Variants in FNIP2 observed in about 807,000 individuals in gnomAD.
FNIP2 encodes folliculin interacting protein 2, also known as folliculin-interacting protein 2.
In FNIP2, 32 loss-of-function variants were observed where a neutral mutation model predicts 108.7. The observed-to-expected ratio is 0.29, with a 90% CI of 0.22 to 0.40. FNIP2 has a LOEUF of 0.40. Among genes scored for constraint, FNIP2 ranks in the 10% least tolerant of loss-of-function variants. FNIP2 has a pLI of 1.00. For synonymous variants in FNIP2, 480 were observed against 496.7 expected, an observed-to-expected ratio of 0.97 and a Z score of 0.45; for missense variants, 1,202 against 1,381.6, an observed-to-expected ratio of 0.87 and a Z score of 2.06.
chr4:158,857,289 T>C (rs1458690055), intron 8 of FNIP2, among the ~76,000 whole-genome samples: 1 of 152,236 alleles, frequency 6.6e-6, no homozygotes, highest in Non-Finnish European at 1.5e-5. Flanking sequence ...TATTGTAATA[T>C]AAACTCAGAA....
intron 1 of FNIP2, among the ~76,000 whole-genome samples, chr4:158,821,221 T>C (rs1439678839): frequency 2.6e-5 from 4 of 152,236 alleles, no homozygotes; most frequent in African/African-American, 9.6e-5. Flanking sequence ...GGTAGACAAA[T>C]CATCTTCTCT....
intron 1 of FNIP2, among the ~76,000 whole-genome samples, chr4:158,803,484 T>C (rs992048939): frequency 6.6e-6 from 1 of 152,252 alleles, no homozygotes; most frequent in East Asian, 1.9e-4. Context: ...TGAGTTGCTC[T>C]AATGTCTCAG....
At chr4:158,848,329 A>G (rs961120738) in intron 7 of FNIP2, among the ~76,000 whole-genome samples, 7 of 152,258 alleles carry the variant, frequency 4.6e-5, no homozygotes, top group Non-Finnish European at 8.8e-5. Flanking sequence ...AAGTAAAGGA[A>G]GAGAACAAGA....
chr4:158,896,841 GT>G (rs57097896), intron 16 of FNIP2, among the ~76,000 whole-genome samples: 12 of 144,928 alleles, frequency 8.3e-5, no homozygotes, highest in South Asian at 6.7e-4. Flanking sequence ...TGCCTTATTA[GT>G]TTTTTTTTTA....
chr4:158,898,250 A>G (rs529867874), intron 16 of FNIP2, among the ~76,000 whole-genome samples: 31 of 152,192 alleles, frequency 2.0e-4, no homozygotes, highest in Middle Eastern at 3.4e-3. Flanking sequence ...GCCTTGTTGT[A>G]TAGTTTGAAG....
intron 7 of FNIP2, among the ~76,000 whole-genome samples, chr4:158,838,333 AC>A (rs1778926415): frequency 7.4e-6 from 1 of 134,394 alleles, no homozygotes; most frequent in African/African-American, 2.8e-5. Context: ...CCATCCTCCC[AC>A]CTCAGCCTCA....
intron 1 of FNIP2, among the ~76,000 whole-genome samples, chr4:158,811,311 C>T (rs1306680231): frequency 6.6e-6 from 1 of 152,158 alleles, no homozygotes; most frequent in Non-Finnish European, 1.5e-5. Flanking sequence ...CATATCCTTT[C>T]ACTTTCATGC....
At chr4:158,883,592 C>T (rs201542882) in intron 14 of FNIP2, among the ~76,000 whole-genome samples, 13 of 152,298 alleles carry the variant, frequency 8.5e-5, no homozygotes, top group Middle Eastern at 3.4e-3. Flanking sequence ...GATAGTTAAA[C>T]CCACACTGTT....
At position 158,859,676 on chromosome 4, in the gene FNIP2, C is replaced by G; in HGVS notation, c.1148+10C>G. 6.2e-7 allele frequency: 1 copy of G among 1,606,260 alleles called. No homozygotes were observed. Among genetic ancestry groups the G allele is most frequent in the Non-Finnish European group, 8.5e-7 (1 of 1,174,408 alleles). ...CTCTGGGAGAATTCAGGTAAAGTGG[C>G]AAAGTTTGGCAAATCCAACAGGAGA... On this transcript the variant is annotated intron_variant, in intron 10 of 16. Coordinates refer to ENST00000264433, the MANE Select transcript of FNIP2 (RefSeq NM_020840.3).
At chr4:158,833,836 G>T in intron 6 of FNIP2, 1 of 1,502,554 alleles carries the variant, frequency 6.7e-7, no homozygotes, top group Non-Finnish European at 8.9e-7. Flanking sequence ...ACTGCTGCAG[G>T]GGGTAGCTGA....
intron 1 of FNIP2, among the ~76,000 whole-genome samples, chr4:158,779,174 T>TA (rs1775953952): frequency 6.6e-6 from 1 of 152,332 alleles, no homozygotes; most frequent in Non-Finnish European, 1.5e-5. Flanking sequence ...AAAATGCTCA[T>TA]ACTTTTTTGA....
chr4:158,831,542 A>G (rs1217014137), intron 3 of FNIP2, among the ~76,000 whole-genome samples: 1 of 152,176 alleles, frequency 6.6e-6, no homozygotes, highest in Admixed American at 6.5e-5. Context: ...TCATAATTTA[A>G]TCTTTGTATT....
At chr4:158,792,939 A>T (rs567453550) in intron 1 of FNIP2, among the ~76,000 whole-genome samples, 9 of 152,366 alleles carry the variant, frequency 5.9e-5, no homozygotes, top group Admixed American at 2.6e-4. Flanking sequence ...AGGTGAAGTC[A>T]GGATGGGTTT....
rs772428494 is a variant in FNIP2, at chr4:158,868,141, C to A, written c.1505C>A (p.Thr502Asn). 1 of 1,614,046 alleles carries A rather than the reference C, an allele frequency of 6.2e-7. No homozygotes were observed. Among genetic ancestry groups the A allele is most frequent in the Non-Finnish European group, 8.5e-7 (1 of 1,179,900 alleles). ...YGAIGSPVRL[T>N]RTVVVGKQKD... is the part of the protein sequence containing the mutation. ...GCCATAGGCTCTCCAGTGAGACTGA[C>A]TCGCACCGTAGTGGTAGGGAAGCAG... Residue 502 changes from threonine to asparagine, a missense_variant, in exon 13 of 17, where the codon ACT (threonine) becomes AAT (asparagine). Thr to Asn is a moderately conservative substitution (Grantham distance 65). Transcript: ENST00000264433. The surrounding 1 kb of genome is among the most constrained non-coding windows in gnomAD (Gnocchi z 4.6).
In FNIP2 at chr4:158,806,330, G is replaced by A. The variant is rs780731594; in HGVS notation, c.108-19586G>A. On this transcript the variant is annotated intron_variant, in intron 1 of 16. Coordinates refer to ENST00000264433, the MANE Select transcript of FNIP2 (RefSeq NM_020840.3). Reference sequence around the variant, plus strand: ...AGATGTGTGAGTGATGCTGTTCCTGGTGCTGGGAGGATTTACAGGGCGCTT... The same window carrying A: ...AGATGTGTGAGTGATGCTGTTCCTGATGCTGGGAGGATTTACAGGGCGCTT... The A allele has an allele frequency of 3.9e-6, 5 of 1,289,402 alleles. No individual in the cohort carries two copies. The South Asian group carries it at 6.2e-5, about 16-fold the overall frequency. 79.9% of individuals were successfully genotyped at this position (1,289,402 alleles called of 1,614,324 possible).
At chr4:158,879,082 T>C (rs1781443339) in intron 14 of FNIP2, among the ~76,000 whole-genome samples, 1 of 150,238 alleles carries the variant, frequency 6.7e-6, no homozygotes, top group Admixed American at 6.6e-5. Flanking sequence ...AGAGACTTTA[T>C]AGCATATGCA....
At chr4:158,786,546 G>A (rs1265794833) in intron 1 of FNIP2, among the ~76,000 whole-genome samples, 1 of 152,144 alleles carries the variant, frequency 6.6e-6, no homozygotes, top group African/African-American at 2.4e-5. Context: ...CCTTCCGTTT[G>A]CATTTTTGTG....
At chr4:158,830,235 T>C (rs554290541) in intron 3 of FNIP2, among the ~76,000 whole-genome samples, 246 of 149,470 alleles carry the variant, frequency 1.6e-3, no homozygotes, top group African/African-American at 5.6e-3. Flanking sequence ...GCAGGGCTGA[T>C]AGATTTATCT....
intron 7 of FNIP2, among the ~76,000 whole-genome samples, chr4:158,838,083 C>T (rs546040172): frequency 6.6e-6 from 1 of 152,324 alleles, no homozygotes; most frequent in South Asian, 2.1e-4. Flanking sequence ...AAGATTTCAT[C>T]TCCTTATACC....
Sources: allele counts gnomAD v4.1 joint callset (sites outside exome capture counted in the v4.1 genomes callset), GRCh38; gene constraint gnomAD v4.1.1; non-coding constraint Gnocchi (gnomAD v3.1); transcripts MANE v1.5; gene names NCBI Gene and HGNC (gene_info 2026-07-23, HGNC 2026-07-21).